The following GRM5 variants were observed in gnomAD, a reference collection of about 807,000 sequenced individuals.
The protein encoded by GRM5 is metabotropic glutamate receptor 5.
GRM5 carries 19 observed loss-of-function variants against 83.1 expected under a neutral mutation model. The observed-to-expected ratio is 0.23, with a 90% confidence interval of 0.16 to 0.34. GRM5 has a LOEUF of 0.34. GRM5 is among the 10% of genes least tolerant of loss of function. The pLI is 1.00. For missense variants in GRM5, 1,160 were observed against 1,588.3 expected, an observed-to-expected ratio of 0.73 and a Z score of 4.58; for synonymous variants, 675 against 633.6, an observed-to-expected ratio of 1.07 and a Z score of -0.98.
At chr11:88,961,046 G>A (rs1163079335) in intron 2 of GRM5, among the ~76,000 whole-genome samples, 6 of 152,076 alleles carry the variant, frequency 3.9e-5, no homozygotes, top group African/African-American at 7.2e-5. Context: ...TCAACTTTGG[G>A]GCCTAAAATA....
chr11:88,734,387 A>G (rs1941868104), intron 3 of GRM5, among the ~76,000 whole-genome samples: 1 of 152,026 alleles, frequency 6.6e-6, no homozygotes, highest in Non-Finnish European at 1.5e-5. Context: ...GGAGGAATGT[A>G]AAATGGTACA....
rs111884076 is a variant in GRM5 at position 88,674,938 on chromosome 11, T to C, written c.912-21535A>G. 9.9e-4 allele frequency among the ~76,000 whole-genome samples: 151 copies of C among 152,076 alleles called. 1 individual carries two copies. The highest frequency in any genetic ancestry group is 2.8e-3 in the African/African-American group (118 of 41,524). ...ACGTAAGATCCTTTATCCTGTAATT[T>C]CTCAGTAGTCTTTCTTTTCATTCCC... On this transcript the variant is annotated intron_variant, in intron 3 of 9. Transcript: ENST00000305447.
chr11:88,693,349 G>GAGAT (rs1940826239), intron 3 of GRM5, among the ~76,000 whole-genome samples: 1 of 152,270 alleles, frequency 6.6e-6, no homozygotes, highest in South Asian at 2.1e-4. Flanking sequence ...AAGTAGTGAG[G>GAGAT]AGATAGGAAA....
intron 3 of GRM5, among the ~76,000 whole-genome samples, chr11:88,816,939 T>G (rs1005887019): frequency 2.6e-5 from 4 of 152,158 alleles, no homozygotes; most frequent in Admixed American, 6.5e-5. Flanking sequence ...AACAGATAAC[T>G]CTAACAGATC....
intron 3 of GRM5, among the ~76,000 whole-genome samples, chr11:88,811,201 G>T (rs1429920036): frequency 6.6e-6 from 1 of 152,050 alleles, no homozygotes; most frequent in African/African-American, 2.4e-5. Context: ...GTTTCCAGCA[G>T]GACAGAGACT....
At chr11:88,878,516 G>A (rs556041608) in intron 2 of GRM5, among the ~76,000 whole-genome samples, 154 of 152,284 alleles carry the variant, frequency 1.0e-3, no homozygotes, top group Middle Eastern at 3.4e-3. Flanking sequence ...GGATACACTT[G>A]CTTAAACAGA....
chr11:89,045,770 T>C (rs557020104), intron 2 of GRM5, among the ~76,000 whole-genome samples: 5 of 152,318 alleles, frequency 3.3e-5, no homozygotes, highest in African/African-American at 9.6e-5. Context: ...CATGATTTAT[T>C]TGATGCAAAC....
chr11:88,791,373 A>G (rs968736888), intron 3 of GRM5, among the ~76,000 whole-genome samples: 1 of 152,192 alleles, frequency 6.6e-6, no homozygotes, highest in Admixed American at 6.5e-5. Context: ...ATGCTTGAGA[A>G]GAGCAACTTT....
At chr11:88,964,007 T>G (rs950232325) in intron 2 of GRM5, among the ~76,000 whole-genome samples, 1 of 152,132 alleles carries the variant, frequency 6.6e-6, no homozygotes, top group African/African-American at 2.4e-5. Context: ...GAGATTTAGT[T>G]TACACAGATT....
chr11:88,951,759 T>A (rs1313819134), intron 2 of GRM5, among the ~76,000 whole-genome samples: 1 of 152,228 alleles, frequency 6.6e-6, no homozygotes, highest in Non-Finnish European at 1.5e-5. Flanking sequence ...AGTACAATTG[T>A]TGGCACATAT....
chr11:88,635,756 G>GTT, intron 4 of GRM5, among the ~76,000 whole-genome samples: 1 of 152,048 alleles, frequency 6.6e-6, no homozygotes, highest in Admixed American at 6.5e-5. Flanking sequence ...AAAAATCATC[G>GTT]TCCAGGCCAC....
At position 88,841,222 on chromosome 11, in the gene GRM5, G is replaced by A. The variant is rs569488892; in HGVS notation, c.911+8684C>T. On this transcript the variant is annotated intron_variant, in intron 3 of 9. Coordinates refer to ENST00000305447, the MANE Select transcript of GRM5 (RefSeq NM_001143831.3). ...TGACACACATTAAAAACCTGTTACA[G>A]CAAATATTCCTTCTCCTCAGTGGTT... Among the ~76,000 whole-genome samples the A allele has an allele frequency of 2.6e-5, 4 of 152,246 alleles. No individual in the cohort carries two copies. The South Asian group carries it at 8.3e-4, about 32-fold the overall frequency.
chr11:88,982,434 C>A (rs544737265), intron 2 of GRM5, among the ~76,000 whole-genome samples: 221 of 152,054 alleles, frequency 1.5e-3, no homozygotes, highest in Non-Finnish European at 2.6e-3. Context: ...AGAACTCCAC[C>A]CATCTTATAA....
chr11:88,607,354 C>A (rs1235628332), intron 4 of GRM5, among the ~76,000 whole-genome samples: 1 of 152,124 alleles, frequency 6.6e-6, no homozygotes, highest in Non-Finnish European at 1.5e-5. Flanking sequence ...TTTGATTTAT[C>A]TTCAAAATTT....
intron 4 of GRM5, among the ~76,000 whole-genome samples, chr11:88,630,134 T>G (rs1295580476): frequency 6.6e-6 from 1 of 152,284 alleles, no homozygotes; most frequent in Admixed American, 6.5e-5. Context: ...AGTTTCTCTC[T>G]TCAGTAAGGT....
At chr11:88,905,417 C>A (rs1945386362) in intron 2 of GRM5, among the ~76,000 whole-genome samples, 1 of 152,150 alleles carries the variant, frequency 6.6e-6, no homozygotes, top group Non-Finnish European at 1.5e-5. Context: ...AATTTCAGCT[C>A]ACTGCAGCCT....
chr11:88,581,053 A>G (rs1943205552), intron 7 of GRM5, among the ~76,000 whole-genome samples: 1 of 152,190 alleles, frequency 6.6e-6, no homozygotes, highest in Admixed American at 6.5e-5. Flanking sequence ...GGTTGCAGTG[A>G]GCTGAGACAG....
chr11:89,044,368 A>G (rs1296225667), intron 2 of GRM5, among the ~76,000 whole-genome samples: 3 of 152,114 alleles, frequency 2.0e-5, no homozygotes, highest in South Asian at 2.1e-4. Flanking sequence ...GCCACAGTAA[A>G]TACCCAGTCA....
chr11:89,042,589 A>G (rs1941559056), intron 2 of GRM5, among the ~76,000 whole-genome samples: 1 of 152,212 alleles, frequency 6.6e-6, no homozygotes. Flanking sequence ...GCACTGTTCA[A>G]TTCCTGGAGA....
Sources: allele counts gnomAD v4.1 joint callset (sites outside exome capture counted in the v4.1 genomes callset), GRCh38; gene constraint gnomAD v4.1.1; transcripts MANE v1.5; gene names NCBI Gene and HGNC (gene_info 2026-07-23, HGNC 2026-07-21).